The following IGFN1 variants were observed in gnomAD, a reference collection of about 807,000 sequenced individuals.
IGFN1 encodes immunoglobulin-like and fibronectin type III domain-containing protein 1.
In IGFN1, 253 loss-of-function variants were observed where a neutral mutation model predicts 289.5. The ratio of observed to expected loss-of-function variants is 0.87; its 90% CI spans 0.79 to 0.97. IGFN1 has a LOEUF of 0.97. Ranked by LOEUF, IGFN1 falls within the 50% of genes least tolerant of loss-of-function variation. The pLI, the probability that IGFN1 is intolerant of heterozygous loss-of-function variation, is 0.00. For synonymous variants in IGFN1, 1,706 were observed against 1,788.5 expected (o/e 0.95, Z 1.16); for missense variants, 4,470 against 4,686.1 (o/e 0.95, Z 1.35).
chr1:201,207,669 G>A lies in IGFN1; in HGVS notation c.2776G>A (p.Gly926Arg). 6.5e-7 allele frequency: 1 copy of A among 1,537,144 alleles called. No homozygotes were observed. Residue 926 changes from glycine to arginine, a missense_variant, in exon 12 of 24, where the codon GGG (glycine) becomes AGG (arginine). By Grantham distance (125) the Gly-to-Arg change is moderately radical. Coordinates refer to ENST00000335211, the MANE Select transcript of IGFN1 (RefSeq NM_001164586.2). ...AGGGTCTGAACCAGATTTCTGGAATGGGTCAGGGAGCTCCAGAGTAAAAGG... is the reference window on the plus strand; with the variant it reads ...AGGGTCTGAACCAGATTTCTGGAATAGGTCAGGGAGCTCCAGAGTAAAAGG... ...SIGSEPDFWN[G>R]SGSSRVKGPR... is the part of the protein sequence containing the mutation.
At chr1:201,203,645 G>C in intron 9 of IGFN1, 93 bp from the exon 10 acceptor site, 1 of 1,222,154 alleles carries the variant, frequency 8.2e-7, no homozygotes. Flanking sequence ...TGGGCCCGTG[G>C]GAGAAAACTG....
rs767238537 is a variant in IGFN1, at chr1:201,195,886, G to A, written c.175G>A (p.Glu59Lys). The part of the protein sequence containing the change: ...RAVVCGEPRP[E>K]VRWQNSKGDL... ...TGTGGTCTGTGGGGAGCCCAGGCCC[G>A]AGGTGCGTTGGCAGAACTCCAAAGG... The change falls in exon 4 of 24, where the codon GAG (glutamate) becomes AAG (lysine). Residue 59 changes from glutamate to lysine, a missense_variant. Glu to Lys is a moderately conservative substitution (Grantham distance 56). This residue lies in a region of IGFN1 where 2,011 missense variants were observed against 1,953.4 expected (regional missense o/e 1.03). Transcript: ENST00000335211. 124 of 1,551,586 alleles carry A rather than the reference G, an allele frequency of 8.0e-5. No homozygotes were observed. The East Asian group carries it at 2.3e-3, about 28-fold the overall frequency.
chr1:201,217,372 C>T lies in IGFN1; in HGVS notation c.9681C>T (p.Pro3227=), dbSNP rs760342696. 52 of 1,614,144 alleles carry T rather than the reference C, an allele frequency of 3.2e-5. 3 individuals are homozygous for T. The South Asian group carries it at 3.7e-4, about 12-fold the overall frequency. ...ITLTWTAPRG[P]GSAHILGYLI... Reference sequence around the variant, plus strand: ...TGACATGGACAGCACCTCGGGGCCCCGGCAGCGCCCACATCCTGGGCTACC... The same window carrying T: ...TGACATGGACAGCACCTCGGGGCCCTGGCAGCGCCCACATCCTGGGCTACC... The change falls in exon 17 of 24, where the codon CCC becomes CCT. Residue 3227 remains proline (P), a synonymous_variant. Coordinates refer to ENST00000335211, the MANE Select transcript of IGFN1 (RefSeq NM_001164586.2).
intron 11 of IGFN1, among the ~76,000 whole-genome samples, chr1:201,205,739 G>A (rs1288412629): frequency 1.3e-5 from 2 of 152,218 alleles, no homozygotes; most frequent in Non-Finnish European, 2.9e-5. Context: ...TAAGGCAGGT[G>A]GTTGAGCAAG....
In IGFN1 at chr1:201,211,568, T is replaced by A; in HGVS notation, c.6675T>A (p.Gly2225=). ...ATTTGGGGGCTCCTAAGGGAATGGG[T>A]TCAGGGAGTAAGGCAGGTTTCAGGG... ...RKDLGAPKGM[G]SGSKAGFRDG... The change falls in exon 12 of 24, where the codon GGT becomes GGA. Residue 2225 remains glycine (G), a synonymous_variant. Transcript: ENST00000335211. 5 of 1,533,614 alleles carry A rather than the reference T, an allele frequency of 3.3e-6. No homozygotes were observed. The highest frequency in any genetic ancestry group is 4.4e-6 in the Non-Finnish European group (5 of 1,145,598).
chr1:201,222,857 G>A (rs757710859), intron 20 of IGFN1, 30 bp downstream of exon 20: 12 of 1,535,948 alleles, frequency 7.8e-6, no homozygotes, highest in Non-Finnish European at 7.2e-6. Flanking sequence ...TGTGGGGAGG[G>A]AAGCCCAGAG....
chr1:201,205,814 C>T (rs990206291), intron 11 of IGFN1, among the ~76,000 whole-genome samples: 12 of 152,210 alleles, frequency 7.9e-5, no homozygotes, highest in Admixed American at 1.3e-4. Context: ...TTGGCTTATG[C>T]GTTTTCTCCA....
Position 201,213,357 on chromosome 1 carries a change from C to T in IGFN1, c.8464C>T (p.Gln2822Ter), listed in dbSNP as rs1396838359. The T allele has an allele frequency of 2.5e-6, 4 of 1,609,812 alleles. No individual in the cohort carries two copies. Among genetic ancestry groups the T allele is most frequent in the Non-Finnish European group, 3.4e-6 (4 of 1,177,976 alleles). Residue 2822 changes from glutamine (Q) to a stop codon, truncating the protein, a stop_gained, in exon 12 of 24, where the codon CAG (glutamine) becomes TAG (stop). Transcript: ENST00000335211. LOFTEE classifies it high-confidence loss of function. ...CTCACTCAGGAGCAGGTCTCAGGCA[C>T]AGTCAGGGGCTGAGGTTGGAGGAGG... is the stretch of plus-strand genomic sequence containing the variant. ...PGSLRSRSQA[Q>*]SGAEVGGGKR...
intron 8 of IGFN1, among the ~76,000 whole-genome samples, chr1:201,200,980 T>C (rs1273832421): frequency 1.3e-5 from 2 of 152,024 alleles, no homozygotes; most frequent in African/African-American, 2.4e-5. Flanking sequence ...TACAGGTGCC[T>C]GCCACCACAC....
At position 201,214,260 on chromosome 1, in the gene IGFN1, A is replaced by G. The variant is rs1300110654; in HGVS notation, c.8812A>G (p.Ser2938Gly). The G allele has an allele frequency of 9.3e-6, 15 of 1,613,512 alleles. No individual in the cohort carries two copies. Among genetic ancestry groups the G allele is most frequent in the Non-Finnish European group, 1.3e-5 (15 of 1,179,604 alleles). ...EAATLSCTLT[S>G]DLGPGTWFKD... ...CGCCACACTCTCCTGTACCCTCACC[A>G]GTGACCTGGGACCTGGCACCTGGTT... The change falls in exon 13 of 24, where the codon AGT becomes GGT. Residue 2938 changes from serine to glycine, a missense_variant. This residue lies in a region of IGFN1 where 2,218 missense variants were observed against 2,114.1 expected (regional missense o/e 1.05). Coordinates refer to ENST00000335211, the MANE Select transcript of IGFN1 (RefSeq NM_001164586.2).
At position 201,206,084 on chromosome 1, in the gene IGFN1, T is replaced by G. The variant is rs1274366351; in HGVS notation, c.1191T>G (p.Ala397=). The change falls in exon 12 of 24, where the codon GCT becomes GCG. Residue 397 remains alanine (A), a splice_region_variant and synonymous_variant. Transcript: ENST00000335211. ...YTSSAWLVVE[A]GKDKDLQSTS... ...CATATGAATAACCCCTCACTGAAGC[T>G]GGGAAGGATAAAGACCTTCAGTCCA... The G allele has an allele frequency of 6.5e-7, 1 of 1,543,542 alleles. No individual in the cohort carries two copies. Among genetic ancestry groups the G allele is most frequent in the Non-Finnish European group, 8.8e-7 (1 of 1,141,156 alleles).
intron 19 of IGFN1, 22 bp from the exon 20 acceptor site, chr1:201,222,716 AC>A (rs756879183): frequency 6.3e-7 from 1 of 1,585,486 alleles, no homozygotes; most frequent in Non-Finnish European, 8.6e-7. Context: ...GAGGGAGGTA[AC>A]CAGTCCTCTT....
chr1:201,218,193 A>G (rs1297462357), intron 17 of IGFN1, among the ~76,000 whole-genome samples: 1 of 152,212 alleles, frequency 6.6e-6, no homozygotes, highest in African/African-American at 2.4e-5. Flanking sequence ...CTAGAAAGAG[A>G]GAGATGAACA....
chr1:201,225,985 C>A lies in IGFN1; in HGVS notation c.10648C>A (p.Arg3550Ser), dbSNP rs761390735. The A allele has an allele frequency of 1.3e-5, 20 of 1,567,904 alleles. No individual in the cohort carries two copies. Among genetic ancestry groups the A allele is most frequent in the African/African-American group, 5.4e-5 (4 of 73,708 alleles). The change falls in exon 22 of 24, where the codon CGC (arginine) becomes AGC (serine). Residue 3550 changes from arginine to serine, a missense_variant. Arg to Ser is a moderately radical substitution (Grantham distance 110). Coordinates refer to ENST00000335211, the MANE Select transcript of IGFN1 (RefSeq NM_001164586.2). ...CGGTCCCTGGCACGAGGCAGCCGAC[C>A]GCATCCACACCAACCGCTTCACCCT... ...AHGPWHEAADRIHTNRFTLLG... is the reference protein window; with the variant it reads ...AHGPWHEAADSIHTNRFTLLG...
rs1315061115 is a variant in IGFN1 at position 201,211,362 on chromosome 1, A to C, written c.6469A>C (p.Lys2157Gln). The C allele has an allele frequency of 1.3e-6, 2 of 1,490,982 alleles. No homozygotes were observed. Among genetic ancestry groups the C allele is most frequent in the East Asian group, 5.4e-5 (2 of 37,340 alleles). The allele number at this position is 1,490,982 out of a possible 1,614,324, so 92.4% of individuals were successfully genotyped here. The change falls in exon 12 of 24, where the codon AAG becomes CAG. Residue 2157 changes from lysine (K) to glutamine (Q), a missense_variant. This residue lies in a region of IGFN1 where 2,218 missense variants were observed against 2,114.1 expected (regional missense o/e 1.05). Coordinates refer to ENST00000335211, the MANE Select transcript of IGFN1 (RefSeq NM_001164586.2). ...GAPKGMGSES[K>Q]AGFRDGLGSS... The stretch of plus-strand genomic sequence containing the variant: ...TCCTAAGGGAATGGGTTCAGAGAGT[A>C]AGGCAGGTTTTAGGGATGGTTTAGG...
At position 201,211,685 on chromosome 1, in the gene IGFN1, T is replaced by C; in HGVS notation, c.6792T>C (p.Ser2264=). 1 of 1,536,974 alleles carries C rather than the reference T, an allele frequency of 6.5e-7. No individual in the cohort carries two copies. The highest frequency in any genetic ancestry group is 2.4e-5 in the East Asian group (1 of 40,916). Reference sequence around the variant, plus strand: ...CTCCTGAGGAAATGGGTTCAGGCAGTTACACAGATTACAGGAATGGTTTAG... The same window carrying C: ...CTCCTGAGGAAATGGGTTCAGGCAGCTACACAGATTACAGGAATGGTTTAG... ...LGAPEEMGSG[S]YTDYRNGLGS... The change falls in exon 12 of 24, where the codon AGT becomes AGC. Residue 2264 remains serine (S), a synonymous_variant. Coordinates refer to ENST00000335211, the MANE Select transcript of IGFN1 (RefSeq NM_001164586.2).
chr1:201,211,174 G>A lies in IGFN1; in HGVS notation c.6281G>A (p.Gly2094Asp), dbSNP rs183972024. Residue 2094 changes from glycine (G) to aspartate (D), a missense_variant, in exon 12 of 24, where the codon GGT (glycine) becomes GAT (aspartate). Around this residue, in one of 8 missense-constraint regions of IGFN1, gnomAD observed 2,218 missense variants for 2,114.1 expected, o/e 1.05. Transcript: ENST00000335211. ...SKTGFRDGLG[G>D]SEEMESMDEA... is the part of the protein sequence containing the mutation. ...ACAGGTTTCAGGGATGGTTTAGGGG[G>A]TTCTGAAGAAATGGAGTCAATGGAT... is the stretch of plus-strand genomic sequence containing the variant. 98 of 1,530,412 alleles carry A rather than the reference G, an allele frequency of 6.4e-5. No homozygotes were observed. Among genetic ancestry groups the A allele is most frequent in the Non-Finnish European group, 8.0e-5 (92 of 1,143,072 alleles). The allele number at this position is 1,530,412 out of a possible 1,614,324, so 94.8% of individuals were successfully genotyped here.
chr1:201,208,265 T>G lies in IGFN1; in HGVS notation c.3372T>G (p.Tyr1124Ter). Residue 1124 changes from tyrosine (Y) to a stop codon, truncating the protein, a stop_gained, in exon 12 of 24, where the codon TAT becomes TAG. Transcript: ENST00000335211. LOFTEE classifies it high-confidence loss of function. ...GGCCTTGGGGTCAGACTGGAAATTA[T>G]GGGGGCTTCAGAGCCTCAGAGGCCC... ...RIRPWGQTGN[Y>*]GGFRASEALG... The G allele has an allele frequency of 3.9e-6, 6 of 1,535,712 alleles. No individual in the cohort carries two copies. Among genetic ancestry groups the G allele is most frequent in the Non-Finnish European group, 5.2e-6 (6 of 1,146,620 alleles).
chr1:201,213,497 C>T lies in IGFN1; in HGVS notation c.8604C>T (p.His2868=). 1 of 1,614,018 alleles carries T rather than the reference C, an allele frequency of 6.2e-7. No homozygotes were observed. Among genetic ancestry groups the T allele is most frequent in the Non-Finnish European group, 8.5e-7 (1 of 1,179,972 alleles). Residue 2868 remains histidine, a synonymous_variant, in exon 12 of 24, where the codon CAC becomes CAT. Coordinates refer to ENST00000335211, the MANE Select transcript of IGFN1 (RefSeq NM_001164586.2). ...ATCAGAGCCGGGAGCCCCCTGGTCA[C>T]CTTGGTAGCAGGAGAAGTGGCAAAG... ...NEDQSREPPG[H]LGSRRSGKDG...
Sources: allele counts gnomAD v4.1 joint callset (sites outside exome capture counted in the v4.1 genomes callset), GRCh38; gene constraint gnomAD v4.1.1; regional missense constraint gnomAD v4.1.1; transcripts MANE v1.5; gene names NCBI Gene and HGNC (gene_info 2026-07-23, HGNC 2026-07-21).